VSTM4: variants seen among roughly 807,000 people sequenced by gnomAD.
VSTM4 encodes V-set and transmembrane domain containing 4, also known as V-set and transmembrane domain-containing protein 4.
In VSTM4, 20 loss-of-function variants were observed where a neutral mutation model predicts 36.4. That is an observed-to-expected ratio of 0.55 (90% CI 0.39 to 0.80). The LOEUF (loss-of-function observed/expected upper bound fraction) is 0.80, where lower values mean the gene tolerates loss of function less well. VSTM4 is among the 30% of genes least tolerant of loss of function. The pLI, the probability that VSTM4 is intolerant of heterozygous loss-of-function variation, is 0.00. For synonymous variants in VSTM4, 182 were observed against 173.9 expected, an observed-to-expected ratio of 1.05 and a Z score of -0.37; for missense variants, 392 against 404.5, an observed-to-expected ratio of 0.97 and a Z score of 0.26.
At chr10:49,059,015 G>C (rs549347884) in intron 5 of VSTM4, among the ~76,000 whole-genome samples, 4 of 152,352 alleles carry the variant, frequency 2.6e-5, no homozygotes, top group African/African-American at 7.2e-5. Flanking sequence ...AGGGACGGGA[G>C]GAACTGCCTG....
At chr10:49,020,623 A>G (rs1392007193) in intron 7 of VSTM4, among the ~76,000 whole-genome samples, 1 of 151,996 alleles carries the variant, frequency 6.6e-6, no homozygotes, top group Non-Finnish European at 1.5e-5. Context: ...AAAATGCATT[A>G]TGTTCCAGAA....
chr10:49,107,501 A>T, intron 2 of VSTM4, 93 bp downstream of exon 2: 1 of 1,481,350 alleles, frequency 6.8e-7, no homozygotes, highest in African/African-American at 1.4e-5. Context: ...AGTGCAACAC[A>T]GCCAACCCGG....
chr10:49,105,872 A>G (rs1844773589), intron 2 of VSTM4, among the ~76,000 whole-genome samples: 1 of 152,042 alleles, frequency 6.6e-6, no homozygotes, highest in Non-Finnish European at 1.5e-5. Flanking sequence ...GTGTGTATAT[A>G]TATATGTATG....
rs1843151799 is a variant in VSTM4, at chr10:49,019,694, T to C, written c.919A>G (p.Ser307Gly). Residue 307 changes from serine to glycine, a missense_variant, in exon 8 of 8, where the codon AGC becomes GGC. By Grantham distance (56) the Ser-to-Gly change is moderately conservative. Transcript: ENST00000332853. ...PHRAAKGAPTSTVYAQILFEE... is the reference protein window; with the variant it reads ...PHRAAKGAPTGTVYAQILFEE... The stretch of plus-strand genomic sequence containing the variant: ...AAGAGGATCTGGGCGTAGACAGTGC[T>C]GGTGGGGGCGCCTTTGGCAGCCCGG... 1.2e-6 allele frequency: 2 copies of C among 1,613,974 alleles called. No homozygotes were observed. Among genetic ancestry groups the C allele is most frequent in the African/African-American group, 1.3e-5 (1 of 74,948 alleles).
chr10:49,094,161 A>T (rs113023332), intron 2 of VSTM4, among the ~76,000 whole-genome samples: 1 of 124,870 alleles, frequency 8.0e-6, no homozygotes, highest in South Asian at 3.3e-4. Flanking sequence ...GGCCAGGGTC[A>T]GGGGGTCCCA....
At chr10:49,028,144 T>G (rs1843291527) in intron 7 of VSTM4, among the ~76,000 whole-genome samples, 1 of 152,192 alleles carries the variant, frequency 6.6e-6, no homozygotes, top group African/African-American at 2.4e-5. Flanking sequence ...CCCTTATGCT[T>G]AAGGAACTTT....
intron 6 of VSTM4, 46 bp downstream of exon 6, chr10:49,048,432 C>A: frequency 6.6e-7 from 1 of 1,518,728 alleles, no homozygotes; most frequent in South Asian, 1.3e-5. Context: ...CCACAGGGAT[C>A]AATAATGATA....
chr10:49,050,780 A>C (rs1843685185), intron 5 of VSTM4, among the ~76,000 whole-genome samples: 2 of 152,256 alleles, frequency 1.3e-5, no homozygotes, highest in Non-Finnish European at 2.9e-5. Flanking sequence ...TCGTGTTTAA[A>C]AAGGGTAATT....
At position 49,048,548 on chromosome 10, in the gene VSTM4, G is replaced by A. The variant is rs2131960450; in HGVS notation, c.705C>T (p.Ala235=). Residue 235 remains alanine (A), a synonymous_variant, in exon 6 of 8, where the codon GCC becomes GCT. Coordinates refer to ENST00000332853, the MANE Select transcript of VSTM4 (RefSeq NM_001031746.5). ...GETVTSVTSL[A]PLQPKKGKRQ... is the part of the protein sequence containing the mutation. ...TCTTGCCCTTCTTGGGCTGTAGTGG[G>A]GCCAAGCTGGTCACGCTAGTGACAG... 1 of 1,597,620 alleles carries A rather than the reference G, an allele frequency of 6.3e-7. No homozygotes were observed. Among genetic ancestry groups the A allele is most frequent in the Non-Finnish European group, 8.5e-7 (1 of 1,174,204 alleles).
intron 3 of VSTM4, among the ~76,000 whole-genome samples, chr10:49,081,541 A>G (rs928768810): frequency 1.3e-5 from 2 of 152,262 alleles, no homozygotes; most frequent in African/African-American, 4.8e-5. Flanking sequence ...CCCTAGCAGC[A>G]TGCTGCAGAC....
At chr10:49,077,423 C>A in intron 3 of VSTM4, 97 bp from the exon 4 acceptor site, 2 of 1,087,150 alleles carry the variant, frequency 1.8e-6, no homozygotes, top group Non-Finnish European at 1.4e-6. Context: ...TTTGAAATCC[C>A]AGTGCTACAG....
At chr10:49,100,394 T>C (rs933507499) in intron 2 of VSTM4, among the ~76,000 whole-genome samples, 2 of 152,260 alleles carry the variant, frequency 1.3e-5, no homozygotes, top group Admixed American at 1.3e-4. Context: ...TAACTCATTA[T>C]GTTGCCAAAT....
chr10:49,050,944 A>G (rs979680695), intron 5 of VSTM4, among the ~76,000 whole-genome samples: 2 of 152,200 alleles, frequency 1.3e-5, no homozygotes, highest in Non-Finnish European at 2.9e-5. Flanking sequence ...AGTGGAAGAT[A>G]GATTTCCCTT....
chr10:49,091,266 G>A (rs1025095257), intron 2 of VSTM4, among the ~76,000 whole-genome samples: 1 of 152,192 alleles, frequency 6.6e-6, no homozygotes, highest in Non-Finnish European at 1.5e-5. Flanking sequence ...TTCCGGGGAG[G>A]CAGTGGCCCA....
In VSTM4 at chr10:49,107,699, G is replaced by A; in HGVS notation, c.352C>T (p.Gln118Ter). ...ACGTAATGCCCTTGATCGGAGGGCT[G>A]CAGTGTCAAGACGGAGAGCCTGTAG... ...ALYRLSVLTL[Q>*]PSDQGHYVCR... The change falls in exon 2 of 8, where the codon CAG (glutamine) becomes TAG (stop). Residue 118 changes from glutamine to a stop codon, truncating the protein, a stop_gained. Transcript: ENST00000332853. LOFTEE classifies it high-confidence loss of function. The A allele has an allele frequency of 1.2e-6, 2 of 1,614,236 alleles. No individual in the cohort carries two copies. The highest frequency in any genetic ancestry group is 1.7e-6 in the Non-Finnish European group (2 of 1,180,046).
At chr10:49,056,938 G>T (rs1843789752) in intron 5 of VSTM4, among the ~76,000 whole-genome samples, 1 of 152,132 alleles carries the variant, frequency 6.6e-6, no homozygotes, top group Non-Finnish European at 1.5e-5. Context: ...GGCCTCTGGT[G>T]AGGGCCTCAG....
intron 7 of VSTM4, among the ~76,000 whole-genome samples, chr10:49,028,828 C>T (rs989613683): frequency 1.3e-5 from 2 of 152,208 alleles, no homozygotes; most frequent in Non-Finnish European, 2.9e-5. Context: ...ATCACAGCAA[C>T]AGATCAATAA....
In VSTM4 at chr10:49,015,748, T is replaced by C. The variant is rs901085525; in HGVS notation, c.*3902A>G. The C allele has an allele frequency of 1.3e-5, 2 of 152,230 alleles. No homozygotes were observed. The highest frequency in any genetic ancestry group is 2.9e-5 in the Non-Finnish European group (2 of 68,036). 9.4% of individuals were successfully genotyped at this position (152,230 alleles called of 1,614,324 possible). ...CTGCAGTTTCCTGGATCAGGGATAC[T>C]GGAAAGATGTCATGTTCCACATGGA... On this transcript the variant is annotated 3_prime_UTR_variant, in exon 8 of 8. Transcript: ENST00000332853.
At position 49,056,353 on chromosome 10, in the gene VSTM4, T is replaced by C. The variant is rs574990305; in HGVS notation, c.669-7769A>G. On this transcript the variant is annotated intron_variant, in intron 5 of 7. Coordinates refer to ENST00000332853, the MANE Select transcript of VSTM4 (RefSeq NM_001031746.5). ...GATACTTTAGTGGTGCTCCACAGGG[T>C]CGCAGGCTTGGCTCCTAGTAATAAT... Among the ~76,000 whole-genome samples the C allele has an allele frequency of 6.6e-5, 10 of 152,332 alleles. No individual in the cohort carries two copies. The South Asian group carries it at 2.1e-3, about 32-fold the overall frequency.
Sources: allele counts gnomAD v4.1 joint callset (sites outside exome capture counted in the v4.1 genomes callset), GRCh38; gene constraint gnomAD v4.1.1; transcripts MANE v1.5; gene names NCBI Gene and HGNC (gene_info 2026-07-23, HGNC 2026-07-21).